SETBP1: variants seen among roughly 807,000 people sequenced by gnomAD.
SETBP1 encodes the protein SET binding protein 1, also known as SET-binding protein.
A neutral mutation model predicts 101.0 loss-of-function variants in SETBP1; 9 were observed. That is an observed-to-expected ratio of 0.09 (90% CI 0.05 to 0.16). SETBP1 has a LOEUF of 0.16. Among genes scored for constraint, SETBP1 ranks in the 10% least tolerant of loss-of-function variants. The pLI is 1.00. For missense variants in SETBP1, 1,858 were observed against 2,033.8 expected, an observed-to-expected ratio of 0.91 and a Z score of 1.66; for synonymous variants, 818 against 788.5, an observed-to-expected ratio of 1.04 and a Z score of -0.63.
chr18:44,779,775 T>C (rs1433997387), intron 2 of SETBP1, among the ~76,000 whole-genome samples: 3 of 152,174 alleles, frequency 2.0e-5, no homozygotes, highest in Non-Finnish European at 4.4e-5. Context: ...CTTCCTTTTC[T>C]AGCTTCTTAC....
intron 3 of SETBP1, among the ~76,000 whole-genome samples, chr18:44,924,413 T>A (rs1255913504): frequency 6.6e-6 from 1 of 152,144 alleles, no homozygotes; most frequent in Non-Finnish European, 1.5e-5. Flanking sequence ...AGAGTGAAGT[T>A]TTTACTCCAT....
intron 2 of SETBP1, among the ~76,000 whole-genome samples, chr18:44,832,078 C>T (rs2072383315): frequency 6.6e-6 from 1 of 152,170 alleles, no homozygotes; most frequent in Non-Finnish European, 1.5e-5. Context: ...CAACATGCCT[C>T]CTTTGGCTCT....
At chr18:44,756,466 A>C (rs1366524739) in intron 2 of SETBP1, among the ~76,000 whole-genome samples, 1 of 152,172 alleles carries the variant, frequency 6.6e-6, no homozygotes, top group Admixed American at 6.5e-5. Context: ...TGTCAAGTAC[A>C]TCCTTCACTC....
chr18:44,969,287 C>A (rs2071788787), intron 4 of SETBP1, among the ~76,000 whole-genome samples: 1 of 152,104 alleles, frequency 6.6e-6, no homozygotes, highest in Admixed American at 6.5e-5. Context: ...GAAAATGATA[C>A]AAAACGTCTG....
At position 44,801,599 on chromosome 18, in the gene SETBP1, T is replaced by C. The variant is rs543720606; in HGVS notation, c.487-67631T>C. Among the ~76,000 whole-genome samples the C allele has an allele frequency of 3.9e-5, 6 of 152,288 alleles. No homozygotes were observed. In the East Asian group the frequency reaches 1.2e-3, roughly 29 times the overall value. The stretch of plus-strand genomic sequence containing the variant: ...GCATGTGCACAGGTTTGCATATGTG[T>C]GTGGATTTGTGTGTGTGTTTCTCAA... On this transcript the variant is annotated intron_variant, in intron 2 of 5. Transcript: ENST00000649279.
chr18:44,950,398 A>T lies in SETBP1; in HGVS notation c.1058A>T (p.Asp353Val), dbSNP rs559254343. The T allele has an allele frequency of 6.8e-6, 11 of 1,614,166 alleles. No individual in the cohort carries two copies. The Admixed American group carries it at 1.7e-4, about 24-fold the overall frequency. ...CAGACCATACCAAACCCAGACCTGG[A>T]TTGGGTCAAGAATGCCCAGAAAGCA... is the stretch of plus-strand genomic sequence containing the variant. ...ISQTIPNPDL[D>V]WVKNAQKAFD... The change falls in exon 4 of 6, where the codon GAT (aspartate) becomes GTT (valine). Residue 353 changes from aspartate (D) to valine (V), a missense_variant. By Grantham distance (152) the Asp-to-Val change is radical (BLOSUM62 -3). Around this residue, in one of 12 missense-constraint regions of SETBP1, gnomAD observed 581 missense variants for 535.1 expected, o/e 1.09. Coordinates refer to ENST00000649279, the MANE Select transcript of SETBP1 (RefSeq NM_015559.3).
chr18:44,701,452 G>A lies in SETBP1; in HGVS notation c.106G>A (p.Glu36Lys), dbSNP rs773643149. 6 of 1,612,334 alleles carry A rather than the reference G, an allele frequency of 3.7e-6. No individual in the cohort carries two copies. The highest frequency in any genetic ancestry group is 5.1e-6 in the Non-Finnish European group (6 of 1,178,986). Residue 36 changes from glutamate to lysine, a missense_variant, in exon 2 of 6, where the codon GAA (glutamate) becomes AAA (lysine). Around this residue, in one of 12 missense-constraint regions of SETBP1, gnomAD observed 97 missense variants for 101.2 expected, o/e 0.96. Transcript: ENST00000649279. ...CCCAGCTGCTCCTGGCTGTGCAGGA[G>A]AACCTTTGCTCTCCACTCCAGGACC... is the stretch of plus-strand genomic sequence containing the variant. ...KPPAAPGCAG[E>K]PLLSTPGPGK...
In SETBP1 at chr18:44,952,083, C is replaced by T; in HGVS notation, c.2743C>T (p.His915Tyr). 1 of 1,614,056 alleles carries T rather than the reference C, an allele frequency of 6.2e-7. No individual in the cohort carries two copies. Among genetic ancestry groups the T allele is most frequent in the Non-Finnish European group, 8.5e-7 (1 of 1,180,008 alleles). ...GTCCGACACCAGCACAAAGAACCGG[C>T]ATGGCCACCGGCAAAAGCATCTCAT... is the stretch of plus-strand genomic sequence containing the variant. ...IPSDTSTKNR[H>Y]GHRQKHLIVD... The change falls in exon 4 of 6, where the codon CAT becomes TAT. Residue 915 changes from histidine (H) to tyrosine (Y), a missense_variant. Coordinates refer to ENST00000649279, the MANE Select transcript of SETBP1 (RefSeq NM_015559.3).
rs750804207 is a variant in SETBP1, at chr18:45,038,485, G to A, written c.4001G>A (p.Gly1334Glu). 1 of 1,613,896 alleles carries A rather than the reference G, an allele frequency of 6.2e-7. No homozygotes were observed. Reference sequence around the variant, plus strand: ...AAGCTTTGGGGTTGTTATTTTTTAGGGATGCCAAGTCCCCACTTAAAAGTG... The same window carrying A: ...AAGCTTTGGGGTTGTTATTTTTTAGAGATGCCAAGTCCCCACTTAAAAGTG... ...RSSYDSSMSP[G>E]MPSPHLKVDQ... Residue 1334 changes from glycine (G) to glutamate (E), a missense_variant and splice_region_variant, in exon 5 of 6, where the codon GGG (glycine) becomes GAG (glutamate). By Grantham distance (98) the Gly-to-Glu change is moderately conservative. This residue lies in a region of SETBP1 where 417 missense variants were observed against 389.1 expected (regional missense o/e 1.07). Transcript: ENST00000649279.
chr18:44,759,908 A>C (rs559484356), intron 2 of SETBP1, among the ~76,000 whole-genome samples: 30 of 152,332 alleles, frequency 2.0e-4, no homozygotes, highest in African/African-American at 7.0e-4. Flanking sequence ...GTACCAATTA[A>C]ACCAGAAAAT....
chr18:44,974,730 A>G (rs2071948559), intron 4 of SETBP1, among the ~76,000 whole-genome samples: 1 of 152,186 alleles, frequency 6.6e-6, no homozygotes, highest in African/African-American at 2.4e-5. Context: ...AAATAAGAAC[A>G]TCCCAAACTC....
chr18:44,791,161 G>C (rs1258691304), intron 2 of SETBP1, among the ~76,000 whole-genome samples: 1 of 152,002 alleles, frequency 6.6e-6, no homozygotes, highest in Non-Finnish European at 1.5e-5. Flanking sequence ...GGAGATATTT[G>C]GTAAAGTCTG....
At chr18:44,884,861 A>G (rs2069605192) in intron 3 of SETBP1, among the ~76,000 whole-genome samples, 2 of 152,174 alleles carry the variant, frequency 1.3e-5, no homozygotes, top group Admixed American at 1.3e-4. Flanking sequence ...GTGTCTAGGT[A>G]TATTACTACA....
chr18:45,059,740 C>T (rs1210798081), intron 5 of SETBP1, among the ~76,000 whole-genome samples: 5 of 152,180 alleles, frequency 3.3e-5, no homozygotes, highest in Admixed American at 6.5e-5. Flanking sequence ...GCTCAGTAGC[C>T]ACAAGTGGCT....
chr18:45,051,349 T>C (rs1023241483), intron 5 of SETBP1, among the ~76,000 whole-genome samples: 1 of 152,164 alleles, frequency 6.6e-6, no homozygotes, highest in African/African-American at 2.4e-5. Flanking sequence ...GCAATTTTTT[T>C]TCAAAAAACT....
intron 3 of SETBP1, among the ~76,000 whole-genome samples, chr18:44,930,235 T>G (rs562488438): frequency 5.7e-4 from 87 of 152,326 alleles, no homozygotes; most frequent in Non-Finnish European, 1.2e-3. Flanking sequence ...TGCTGGATTA[T>G]GTTTATGGAT....
chr18:44,708,377 T>C (rs2069265425), intron 2 of SETBP1, among the ~76,000 whole-genome samples: 1 of 152,228 alleles, frequency 6.6e-6, no homozygotes, highest in African/African-American at 2.4e-5. Flanking sequence ...AGATGAGGTC[T>C]CCATAGCATT....
At chr18:45,020,914 A>C (rs939003173) in intron 4 of SETBP1, among the ~76,000 whole-genome samples, 1 of 152,154 alleles carries the variant, frequency 6.6e-6, no homozygotes, top group Non-Finnish European at 1.5e-5. Flanking sequence ...TATTGAACTA[A>C]TCTCAATGTT....
At position 45,027,765 on chromosome 18, in the gene SETBP1, T is replaced by A. The variant is rs117302799; in HGVS notation, c.4001-10720T>A. On this transcript the variant is annotated intron_variant, in intron 4 of 5. Transcript: ENST00000649279. ...CTGCCATAACAAATTTCCACAAACT[T>A]AGTGGCTTAAACAACATAAATGCAT... Among the ~76,000 whole-genome samples the A allele has an allele frequency of 5.3e-5, 8 of 152,270 alleles. No homozygotes were observed. In the East Asian group the frequency reaches 1.5e-3, roughly 29 times the overall value.
Sources: allele counts gnomAD v4.1 joint callset (sites outside exome capture counted in the v4.1 genomes callset), GRCh38; gene constraint gnomAD v4.1.1; regional missense constraint gnomAD v4.1.1; transcripts MANE v1.5; gene names NCBI Gene and HGNC (gene_info 2026-07-23, HGNC 2026-07-21).